The following RIN3 variants were observed in gnomAD, a reference collection of about 807,000 sequenced individuals.
RIN3 encodes the protein Ras and Rab interactor 3.
A neutral mutation model predicts 76.3 loss-of-function variants in RIN3; 54 were observed. The ratio of observed to expected loss-of-function variants is 0.71; its 90% CI spans 0.57 to 0.89. The LOEUF (loss-of-function observed/expected upper bound fraction) is 0.89, where lower values mean the gene tolerates loss of function less well. Ranked by LOEUF, RIN3 falls within the 40% of genes least tolerant of loss-of-function variation. The pLI, the probability that RIN3 is intolerant of heterozygous loss-of-function variation, is 0.00. For synonymous variants in RIN3, 576 were observed against 564.0 expected, an observed-to-expected ratio of 1.02 and a Z score of -0.30; for missense variants, 1,256 against 1,322.1, an observed-to-expected ratio of 0.95 and a Z score of 0.78.
intron 3 of RIN3, among the ~76,000 whole-genome samples, chr14:92,586,952 C>T (rs1410124510): frequency 1.3e-5 from 2 of 152,140 alleles, no homozygotes; most frequent in Non-Finnish European, 2.9e-5. Flanking sequence ...GCTGAGTCCA[C>T]AGCCTGCATC....
At chr14:92,583,114 C>T (rs2140066933) in intron 3 of RIN3, among the ~76,000 whole-genome samples, 1 of 152,268 alleles carries the variant, frequency 6.6e-6, no homozygotes, top group East Asian at 1.9e-4. Flanking sequence ...CTGCTTAGGA[C>T]TTTAGACACT....
intron 6 of RIN3, among the ~76,000 whole-genome samples, chr14:92,655,109 G>A (rs1396684384): frequency 6.6e-6 from 1 of 152,134 alleles, no homozygotes; most frequent in African/African-American, 2.4e-5. Context: ...AGGTTGCAGT[G>A]AGCCCAGATT....
intron 4 of RIN3, among the ~76,000 whole-genome samples, chr14:92,622,552 G>A (rs959138254): frequency 5.3e-5 from 8 of 152,222 alleles, no homozygotes; most frequent in African/African-American, 1.9e-4. Context: ...CAAGGCAGAG[G>A]CAAGGGGGAG....
intron 2 of RIN3, among the ~76,000 whole-genome samples, chr14:92,557,559 A>G (rs1897628546): frequency 6.6e-6 from 1 of 152,260 alleles, no homozygotes; most frequent in South Asian, 2.1e-4. Context: ...TCAAGTCGCC[A>G]GTTGTACCTG....
intron 3 of RIN3, among the ~76,000 whole-genome samples, chr14:92,593,533 GC>G (rs1885054188): frequency 6.6e-6 from 1 of 150,856 alleles, no homozygotes. Flanking sequence ...ACACACCAGG[GC>G]CTATTGTGGG....
At chr14:92,555,111 A>C (rs912184229) in intron 1 of RIN3, among the ~76,000 whole-genome samples, 1 of 152,216 alleles carries the variant, frequency 6.6e-6, no homozygotes, top group Admixed American at 6.5e-5. Context: ...TGGTAGTTAC[A>C]CAGGTGTAGA....
In RIN3 at chr14:92,652,013, G is replaced by A. The variant is rs746278937; in HGVS notation, c.964G>A (p.Val322Ile). The A allele has an allele frequency of 1.8e-5, 20 of 1,101,568 alleles. No homozygotes were observed. The East Asian group carries it at 2.1e-4, about 12-fold the overall frequency. 68.2% of individuals were successfully genotyped at this position (1,101,568 alleles called of 1,614,324 possible). A position where few individuals can be genotyped will look rare whatever the true frequency, so the allele number is the denominator to read the frequency against. ...PTSPPVPAPHVTPHAPGPPDH... is the reference protein window; with the variant it reads ...PTSPPVPAPHITPHAPGPPDH... ...CTCTCCCCCAGTGCCTGCCCCCCAC[G>A]TCACACCCCATGCCCCAGGTCCCCC... The change falls in exon 6 of 10, where the codon GTC becomes ATC. Residue 322 changes from valine (V) to isoleucine (I), a missense_variant. By Grantham distance (29) the Val-to-Ile change is conservative. Coordinates refer to ENST00000216487, the MANE Select transcript of RIN3 (RefSeq NM_024832.5). This position sits in a 1 kb window ranked among gnomAD's most constrained non-coding sequence, Gnocchi z 6.4.
Position 92,672,927 on chromosome 14 carries a change from G to A in RIN3, c.2336-3548G>A, listed in dbSNP as rs1285554077. Reference sequence around the variant, plus strand: ...GATGGAATCCTATGTCCTATCATACGTACAATATGTGGTCTTCCATGGCTG... The same window carrying A: ...GATGGAATCCTATGTCCTATCATACATACAATATGTGGTCTTCCATGGCTG... On this transcript the variant is annotated intron_variant, in intron 7 of 9. Coordinates refer to ENST00000216487, the MANE Select transcript of RIN3 (RefSeq NM_024832.5). 4.6e-5 allele frequency among the ~76,000 whole-genome samples: 7 copies of A among 151,996 alleles called. No homozygotes were observed. In the East Asian group the frequency reaches 7.7e-4, roughly 17 times the overall value.
At position 92,688,202 on chromosome 14, in the gene RIN3, GGC is replaced by G. The variant is rs1888949732; in HGVS notation, c.2910_2911del (p.Gly971ArgfsTer92). 6.2e-6 allele frequency: 10 copies of G among 1,606,298 alleles called. No individual in the cohort carries two copies. The highest frequency in any genetic ancestry group is 1.3e-5 in the African/African-American group (1 of 74,780). On this transcript the variant is annotated frameshift_variant, in exon 10 of 10. Transcript: ENST00000216487. LOFTEE classifies it high-confidence loss of function. ...YRPLDGGGGG[G>X]GGSPPCLVVR... Reference sequence around the variant, plus strand: ...GCCCCTGGACGGTGGTGGCGGCGGCGGCGGCGGGAGCCCGCCCTGCCTGGTGG... The same window carrying G: ...GCCCCTGGACGGTGGTGGCGGCGGCGGGCGGGAGCCCGCCCTGCCTGGTGG...
Position 92,659,375 on chromosome 14 carries a change from C to T in RIN3, c.2241C>T (p.Thr747=). The stretch of plus-strand genomic sequence containing the variant: ...TGGAGAAGATCCTGCAGAAGTTCAC[C>T]AGCATGCACAAGGCCTACTCACCTG... ...PMMEKILQKF[T]SMHKAYSPEK... Residue 747 remains threonine, a synonymous_variant, in exon 7 of 10, where the codon ACC becomes ACT. Transcript: ENST00000216487. 2.5e-6 allele frequency: 4 copies of T among 1,613,280 alleles called. No individual in the cohort carries two copies. The highest frequency in any genetic ancestry group is 3.4e-6 in the Non-Finnish European group (4 of 1,179,492).
At position 92,659,241 on chromosome 14, in the gene RIN3, C is replaced by T. The variant is rs1566891902; in HGVS notation, c.2107C>T (p.His703Tyr). ...EAINSCLHQI[H>Y]SKDGSLQQLK... is the part of the protein sequence containing the mutation. ...CATCAACTCATGCCTGCATCAGATCCACAGCAAGGATGGTTCGCTGCAGCA... is the reference window on the plus strand; with the variant it reads ...CATCAACTCATGCCTGCATCAGATCTACAGCAAGGATGGTTCGCTGCAGCA... Residue 703 changes from histidine (H) to tyrosine (Y), a missense_variant, in exon 7 of 10, where the codon CAC becomes TAC. This residue lies in a region of RIN3 where 428 missense variants were observed against 521.2 expected (regional missense o/e 0.82). Coordinates refer to ENST00000216487, the MANE Select transcript of RIN3 (RefSeq NM_024832.5). 6.2e-7 allele frequency: 1 copy of T among 1,614,184 alleles called. No homozygotes were observed. The highest frequency in any genetic ancestry group is 8.5e-7 in the Non-Finnish European group (1 of 1,180,020).
intron 2 of RIN3, among the ~76,000 whole-genome samples, chr14:92,572,186 G>A (rs1334858339): frequency 6.6e-6 from 1 of 152,256 alleles, no homozygotes; most frequent in Non-Finnish European, 1.5e-5. Flanking sequence ...GAGTCTCAGA[G>A]TGGGCTTCTT....
At chr14:92,575,701 G>A (rs1035793735) in intron 2 of RIN3, among the ~76,000 whole-genome samples, 4 of 152,106 alleles carry the variant, frequency 2.6e-5, no homozygotes, top group African/African-American at 9.7e-5. Context: ...ATAATGAGCA[G>A]TGAGGACGAC....
chr14:92,517,125 A>G (rs1027195229), intron 1 of RIN3, among the ~76,000 whole-genome samples: 1 of 152,196 alleles, frequency 6.6e-6, no homozygotes, highest in African/African-American at 2.4e-5. Context: ...ATGGCAAGAC[A>G]TGGCAAGCTG....
At chr14:92,627,029 A>C (rs1886382997) in intron 4 of RIN3, among the ~76,000 whole-genome samples, 1 of 152,088 alleles carries the variant, frequency 6.6e-6, no homozygotes, top group Admixed American at 6.5e-5. Flanking sequence ...AAACAACAAT[A>C]TTTTATCATC....
At chr14:92,687,707 T>G in intron 9 of RIN3, 1 of 521,162 alleles carries the variant, frequency 1.9e-6, no homozygotes, top group East Asian at 3.5e-5. Context: ...CGCGCCTTAA[T>G]TCATCTCCCA....
intron 4 of RIN3, among the ~76,000 whole-genome samples, chr14:92,627,957 A>G (rs1262021443): frequency 6.6e-6 from 1 of 152,264 alleles, no homozygotes; most frequent in Non-Finnish European, 1.5e-5. Flanking sequence ...AAAGGAGACC[A>G]GGAGTTTTTA....
intron 1 of RIN3, among the ~76,000 whole-genome samples, chr14:92,545,582 CTTTT>C (rs11324822): frequency 3.5e-5 from 4 of 114,710 alleles, no homozygotes; most frequent in Non-Finnish European, 3.5e-5. Context: ...TTTTCTTTTT[CTTTT>C]TTTTTTTTTT....
chr14:92,542,484 G>A (rs1595400305), intron 1 of RIN3, among the ~76,000 whole-genome samples: 2 of 152,178 alleles, frequency 1.3e-5, no homozygotes, highest in Admixed American at 6.5e-5. Flanking sequence ...GTAAAATGGT[G>A]TAGCCACTTT....
Sources: gnomAD v4.1 joint callset for allele counts (sites outside exome capture counted in the v4.1 genomes callset) on GRCh38, gnomAD v4.1.1 for gene constraint, gnomAD v4.1.1 regional missense constraint, Gnocchi (gnomAD v3.1) non-coding constraint, MANE v1.5 for transcripts, NCBI Gene and HGNC (gene_info 2026-07-23, HGNC 2026-07-21) for gene names.